Variants in CAMK2D observed in about 807,000 individuals in gnomAD.
CAMK2D encodes the protein calcium/calmodulin-dependent protein kinase type II subunit delta.
CAMK2D carries 37 observed loss-of-function variants against 84.0 expected under a neutral mutation model. The observed-to-expected ratio is 0.44, with a 90% confidence interval of 0.34 to 0.58. The LOEUF (loss-of-function observed/expected upper bound fraction) is 0.58, where lower values mean the gene tolerates loss of function less well. Ranked by LOEUF, CAMK2D falls within the 20% of genes least tolerant of loss-of-function variation. The pLI, the probability that CAMK2D is intolerant of heterozygous loss-of-function variation, is 0.02. For synonymous variants in CAMK2D, 202 were observed against 212.5 expected (o/e 0.95, Z 0.43); for missense variants, 448 against 652.5 (o/e 0.69, Z 3.41).
chr4:113,571,192 G>A (rs1326233962), intron 4 of CAMK2D, among the ~76,000 whole-genome samples: 2 of 152,206 alleles, frequency 1.3e-5, no homozygotes, highest in Non-Finnish European at 2.9e-5. Context: ...CTACTGGTGG[G>A]AATGTAAATT....
intron 2 of CAMK2D, among the ~76,000 whole-genome samples, chr4:113,720,287 A>C (rs534118269): frequency 1.4e-4 from 21 of 152,020 alleles, no homozygotes; most frequent in Middle Eastern, 3.4e-3. Flanking sequence ...TTTAAGTTGC[A>C]TTTTTAAAAG....
chr4:113,605,257 C>A (rs1376836366), intron 4 of CAMK2D, among the ~76,000 whole-genome samples: 1 of 152,204 alleles, frequency 6.6e-6, no homozygotes, highest in Non-Finnish European at 1.5e-5. Flanking sequence ...TTCCATAAGT[C>A]AATTCTCCAT....
chr4:113,620,329 G>T (rs1045890430), intron 3 of CAMK2D, among the ~76,000 whole-genome samples: 2 of 152,066 alleles, frequency 1.3e-5, no homozygotes, highest in African/African-American at 4.8e-5. Context: ...GATTATTAGA[G>T]AACAGGGGGC....
chr4:113,696,579 G>T (rs1472863931), intron 2 of CAMK2D, among the ~76,000 whole-genome samples: 1 of 152,034 alleles, frequency 6.6e-6, no homozygotes, highest in African/African-American at 2.4e-5. Flanking sequence ...TAGCTATTAG[G>T]TAAGTGTATT....
chr4:113,649,833 G>A (rs1362745888), intron 3 of CAMK2D, among the ~76,000 whole-genome samples: 7 of 152,176 alleles, frequency 4.6e-5, no homozygotes, highest in Admixed American at 4.6e-4. Flanking sequence ...TGTAATCCCA[G>A]TACTTTGGGA....
chr4:113,513,149 A>G, intron 12 of CAMK2D, 179 bp downstream of exon 12: 3 of 984,578 alleles, frequency 3.0e-6, no homozygotes, highest in Non-Finnish European at 3.6e-6. Context: ...AGCAGACAGC[A>G]CCCAGGTAGA....
chr4:113,632,620 A>G (rs1296501582), intron 3 of CAMK2D, among the ~76,000 whole-genome samples: 2 of 143,470 alleles, frequency 1.4e-5, no homozygotes, highest in East Asian at 4.1e-4. Context: ...AGCTCAGTTT[A>G]AAAAAAAAAA....
intron 8 of CAMK2D, among the ~76,000 whole-genome samples, chr4:113,524,500 A>G (rs1230131043): frequency 6.6e-6 from 1 of 152,234 alleles, no homozygotes; most frequent in African/African-American, 2.4e-5. Flanking sequence ...ATAATATACA[A>G]TTATACGTAT....
At chr4:113,618,080 T>C (rs567257185) in intron 3 of CAMK2D, among the ~76,000 whole-genome samples, 1 of 152,276 alleles carries the variant, frequency 6.6e-6, no homozygotes, top group Non-Finnish European at 1.5e-5. Flanking sequence ...TTTCTAAGTT[T>C]TTACATTTCT....
chr4:113,525,711 G>A lies in CAMK2D; in HGVS notation c.601+5505C>T, dbSNP rs546324072. Among the ~76,000 whole-genome samples the A allele has an allele frequency of 2.6e-5, 4 of 152,318 alleles. No individual in the cohort carries two copies. In the East Asian group the frequency reaches 7.7e-4, roughly 29 times the overall value. The stretch of plus-strand genomic sequence containing the variant: ...ATGCCCTGCTTCACTCTGCTCTGCT[G>A]TAATGAGGGTTCAGAGCTTAATTCA... On this transcript the variant is annotated intron_variant, in intron 8 of 20. Coordinates refer to ENST00000511664, the MANE Select transcript of CAMK2D (RefSeq NM_001321571.2).
chr4:113,709,809 C>T (rs2099486254), intron 2 of CAMK2D, among the ~76,000 whole-genome samples: 1 of 106,030 alleles, frequency 9.4e-6, no homozygotes, highest in Admixed American at 1.1e-4. Flanking sequence ...AATATTAATG[C>T]CCCAGAAAAT....
chr4:113,539,194 A>C (rs948297461), intron 6 of CAMK2D, among the ~76,000 whole-genome samples: 4 of 152,362 alleles, frequency 2.6e-5, no homozygotes, highest in African/African-American at 9.6e-5. Flanking sequence ...CAAGAAGTTA[A>C]GTTCCAACTA....
chr4:113,500,556 C>G lies in CAMK2D; in HGVS notation c.1087-45G>C, dbSNP rs17446453. ...TTTTTAGGTTGCACGCAATGAATAGCTTGATTTCCTCCTTAAAAATTGGCT... is the reference window on the plus strand; with the variant it reads ...TTTTTAGGTTGCACGCAATGAATAGGTTGATTTCCTCCTTAAAAATTGGCT... On this transcript the variant is annotated intron_variant, in intron 15 of 20. Coordinates refer to ENST00000511664, the MANE Select transcript of CAMK2D (RefSeq NM_001321571.2). 2.0e-5 allele frequency: 27 copies of G among 1,331,686 alleles called. No individual in the cohort carries two copies. The South Asian group carries it at 3.1e-4, about 15-fold the overall frequency. 82.5% of individuals were successfully genotyped at this position (1,331,686 alleles called of 1,614,324 possible). A position where few individuals can be genotyped will look rare whatever the true frequency, so the allele number is the denominator to read the frequency against.
chr4:113,754,134 A>T, intron 2 of CAMK2D: 1 of 890,594 alleles, frequency 1.1e-6, no homozygotes, highest in Middle Eastern at 5.7e-4. Flanking sequence ...CTAATACTCC[A>T]TTTAATGCAT....
intron 2 of CAMK2D, among the ~76,000 whole-genome samples, chr4:113,671,923 C>T (rs1191052506): frequency 6.6e-6 from 1 of 152,078 alleles, no homozygotes; most frequent in African/African-American, 2.4e-5. Context: ...CTATTTCATC[C>T]TAAATATATA....
At chr4:113,624,548 C>T (rs912989810) in intron 3 of CAMK2D, among the ~76,000 whole-genome samples, 8 of 152,170 alleles carry the variant, frequency 5.3e-5, no homozygotes, top group African/African-American at 1.2e-4. Context: ...TCTTAACTTG[C>T]CTTCTTATGT....
intron 4 of CAMK2D, among the ~76,000 whole-genome samples, chr4:113,593,841 T>C (rs1054996461): frequency 1.1e-4 from 17 of 152,048 alleles, no homozygotes; most frequent in African/African-American, 3.4e-4. Flanking sequence ...GATCTAAATA[T>C]AGGACTACAG....
chr4:113,480,703 C>T (rs1297180197), intron 16 of CAMK2D, among the ~76,000 whole-genome samples: 3 of 152,140 alleles, frequency 2.0e-5, no homozygotes, highest in Non-Finnish European at 2.9e-5. Context: ...TAGCTCTGCA[C>T]GGTGGCGGGT....
intron 16 of CAMK2D, among the ~76,000 whole-genome samples, chr4:113,470,129 C>A (rs774340550): frequency 1.3e-5 from 2 of 151,960 alleles, no homozygotes; most frequent in South Asian, 4.1e-4. Context: ...CAAAACCTTG[C>A]GTAATCTGGA....
Sources: allele counts gnomAD v4.1 joint callset (sites outside exome capture counted in the v4.1 genomes callset), GRCh38; gene constraint gnomAD v4.1.1; transcripts MANE v1.5; gene names NCBI Gene and HGNC (gene_info 2026-07-23, HGNC 2026-07-21).